ARNT2: variants seen among roughly 807,000 people sequenced by gnomAD.
ARNT2 encodes aryl hydrocarbon receptor nuclear translocator 2.
In ARNT2, 36 loss-of-function variants were observed where a neutral mutation model predicts 91.7. The observed-to-expected ratio is 0.39, with a 90% CI of 0.30 to 0.52. The LOEUF (loss-of-function observed/expected upper bound fraction) is 0.52. Among genes scored for constraint, ARNT2 ranks in the 20% least tolerant of loss-of-function variants. The probability of loss-of-function intolerance (pLI) is 0.72; values close to 1 mark genes in which losing one functional copy is unlikely to be tolerated. For missense variants in ARNT2, 775 were observed against 939.3 expected, an observed-to-expected ratio of 0.83 and a Z score of 2.29; for synonymous variants, 365 against 347.1, an observed-to-expected ratio of 1.05 and a Z score of -0.57.
chr15:80,431,647 C>T (rs916100877), intron 1 of ARNT2, among the ~76,000 whole-genome samples: 2 of 152,230 alleles, frequency 1.3e-5, no homozygotes, highest in Non-Finnish European at 2.9e-5. Flanking sequence ...ATTGTCTGTT[C>T]TTCCCTTGGA....
rs56726705 is a variant in ARNT2, at chr15:80,518,277, C to CTTTTTTTTTTTT, written c.877+3883_877+3894dup. 5.8e-3 allele frequency among the ~76,000 whole-genome samples: 515 copies of CTTTTTTTTTTTT among 89,346 alleles called. 2 individuals are homozygous for CTTTTTTTTTTTT. Among genetic ancestry groups the CTTTTTTTTTTTT allele is most frequent in the Non-Finnish European group, 6.6e-3 (330 of 49,866 alleles). The allele number at this position is 89,346 out of a possible 152,430, so 58.6% of individuals were successfully genotyped here. A position where few individuals can be genotyped will look rare whatever the true frequency, so the allele number is the denominator to read the frequency against. ...CCGAAGAACTTTTTCTTTTTCTATT[C>CTTTTTTTTTTTT]TTTTTTTTTTTTTTTTTTTTTTGAG... On this transcript the variant is annotated intron_variant, in intron 8 of 18. Transcript: ENST00000303329.
At chr15:80,508,565 C>T (rs1480615859) in intron 6 of ARNT2, among the ~76,000 whole-genome samples, 4 of 152,214 alleles carry the variant, frequency 2.6e-5, no homozygotes, top group Non-Finnish European at 4.4e-5. Flanking sequence ...TCCAATCCAA[C>T]CTCTCCAAGA....
intron 15 of ARNT2, 101 bp from the exon 16 acceptor site, chr15:80,580,310 G>A (rs866348216): frequency 1.5e-5 from 21 of 1,432,570 alleles, no homozygotes; most frequent in Middle Eastern, 2.4e-4. Flanking sequence ...TGGAGAGAGA[G>A]CCAGGAAGAT....
intron 1 of ARNT2, among the ~76,000 whole-genome samples, chr15:80,439,890 A>G (rs1896162103): frequency 6.6e-6 from 1 of 152,324 alleles, no homozygotes; most frequent in East Asian, 1.9e-4. Context: ...GGTCCTCCTC[A>G]GTGAACCCTT....
chr15:80,559,689 A>G (rs1898288827), intron 11 of ARNT2, among the ~76,000 whole-genome samples: 1 of 152,210 alleles, frequency 6.6e-6, no homozygotes, highest in Non-Finnish European at 1.5e-5. Flanking sequence ...CTCTCCAGGC[A>G]CAGTTTACCT....
chr15:80,566,445 C>T (rs144897541), intron 12 of ARNT2, among the ~76,000 whole-genome samples: 3 of 152,318 alleles, frequency 2.0e-5, no homozygotes, highest in South Asian at 4.1e-4. Flanking sequence ...CCTGCACGTC[C>T]CTGGACTCCC....
chr15:80,527,841 A>G (rs1897661650), intron 8 of ARNT2, among the ~76,000 whole-genome samples: 1 of 152,172 alleles, frequency 6.6e-6, no homozygotes, highest in Non-Finnish European at 1.5e-5. Context: ...CATGTAATTC[A>G]CTATGGCTGC....
chr15:80,440,765 T>C (rs1032348244), intron 1 of ARNT2, among the ~76,000 whole-genome samples: 3 of 152,206 alleles, frequency 2.0e-5, no homozygotes. Flanking sequence ...TCTTCTTGCT[T>C]TCCCAGGTCC....
At chr15:80,563,314 G>A (rs1898405233) in intron 12 of ARNT2, 75 bp downstream of exon 12, 1 of 1,570,268 alleles carries the variant, frequency 6.4e-7, no homozygotes, top group South Asian at 1.1e-5. Context: ...ATTTTATTTG[G>A]AGTTCTTTCT....
intron 6 of ARNT2, among the ~76,000 whole-genome samples, 176 bp from the exon 7 acceptor site, chr15:80,513,735 A>AG (rs995186692): frequency 1.3e-5 from 2 of 151,886 alleles, no homozygotes; most frequent in African/African-American, 4.8e-5. Context: ...AAAAAAAAAA[A>AG]AAAAAAATCA....
intron 1 of ARNT2, among the ~76,000 whole-genome samples, chr15:80,435,403 T>C (rs1032709130): frequency 6.6e-6 from 1 of 152,202 alleles, no homozygotes; most frequent in Admixed American, 6.5e-5. Context: ...GGTCAGTCCC[T>C]GCTTCAGAAG....
At chr15:80,562,289 A>G (rs754215013) in intron 11 of ARNT2, among the ~76,000 whole-genome samples, 4 of 152,072 alleles carry the variant, frequency 2.6e-5, no homozygotes, top group Non-Finnish European at 5.9e-5. Flanking sequence ...GCTGGAGCAT[A>G]TTTTCAATAG....
intron 8 of ARNT2, among the ~76,000 whole-genome samples, chr15:80,536,825 G>C (rs2141446393): frequency 6.6e-6 from 1 of 152,262 alleles, no homozygotes; most frequent in East Asian, 1.9e-4. Flanking sequence ...GCTGCACAGA[G>C]ACCTTGTTCC....
chr15:80,486,373 G>A (rs1238767688), intron 5 of ARNT2, among the ~76,000 whole-genome samples: 1 of 152,166 alleles, frequency 6.6e-6, no homozygotes, highest in Non-Finnish European at 1.5e-5. Flanking sequence ...CAGTGGAGAT[G>A]GAGGGAAGTG....
At position 80,519,009 on chromosome 15, in the gene ARNT2, T is replaced by C. The variant is rs185598856; in HGVS notation, c.877+4604T>C. On this transcript the variant is annotated intron_variant, in intron 8 of 18. Transcript: ENST00000303329. ...AAACCCATGAAAGTGTGGGGGCCCA[T>C]TTTTGTACATTTTAAAACACATTAA... Among the ~76,000 whole-genome samples the C allele has an allele frequency of 3.3e-5, 5 of 152,300 alleles. No homozygotes were observed. The East Asian group carries it at 9.6e-4, about 29-fold the overall frequency.
chr15:80,448,107 C>T (rs1356382557), intron 1 of ARNT2, among the ~76,000 whole-genome samples: 1 of 152,054 alleles, frequency 6.6e-6, no homozygotes, highest in Admixed American at 6.5e-5. Context: ...AGGCTCATCA[C>T]ATACCTTGTC....
chr15:80,489,819 G>A (rs186180450), intron 5 of ARNT2, among the ~76,000 whole-genome samples: 5 of 152,182 alleles, frequency 3.3e-5, no homozygotes, highest in Non-Finnish European at 4.4e-5. Flanking sequence ...CAGCCATGGT[G>A]GGGGGTTAAG....
chr15:80,480,765 G>T (rs973512624), intron 5 of ARNT2, among the ~76,000 whole-genome samples: 5 of 149,504 alleles, frequency 3.3e-5, no homozygotes, highest in African/African-American at 7.6e-5. Flanking sequence ...CATCCTTCCT[G>T]CCTGCCTGCC....
intron 3 of ARNT2, among the ~76,000 whole-genome samples, chr15:80,462,417 A>C (rs1211394462): frequency 1.3e-5 from 2 of 152,212 alleles, no homozygotes; most frequent in Admixed American, 1.3e-4. Context: ...AACAAAAGAG[A>C]GGAAACATTC....
Sources: allele counts gnomAD v4.1 joint callset (sites outside exome capture counted in the v4.1 genomes callset), GRCh38; gene constraint gnomAD v4.1.1; transcripts MANE v1.5; gene names NCBI Gene and HGNC (gene_info 2026-07-23, HGNC 2026-07-21).